The following AUTS2 variants were observed in gnomAD, a reference collection of about 807,000 sequenced individuals.
AUTS2 encodes autism susceptibility gene 2 protein.
AUTS2 carries 17 observed loss-of-function variants against 112.4 expected under a neutral mutation model. The ratio of observed to expected loss-of-function variants is 0.15; its 90% CI spans 0.10 to 0.23. The LOEUF (loss-of-function observed/expected upper bound fraction) is 0.23, where lower values mean the gene tolerates loss of function less well. Ranked by LOEUF, AUTS2 falls within the 10% of genes least tolerant of loss-of-function variation. The pLI is 1.00. For missense variants in AUTS2, 1,510 were observed against 1,701.6 expected, an observed-to-expected ratio of 0.89 and a Z score of 1.98; for synonymous variants, 751 against 702.7, an observed-to-expected ratio of 1.07 and a Z score of -1.09.
rs530494747 is a variant in AUTS2, at chr7:70,677,812, G to A, written c.691-20757G>A. ...ATTTTAGTAGGTTCTGGCCAGGCGCGGTGGCTGACGCCTATAATCCCAGCA... is the reference window on the plus strand; with the variant it reads ...ATTTTAGTAGGTTCTGGCCAGGCGCAGTGGCTGACGCCTATAATCCCAGCA... On this transcript the variant is annotated intron_variant, in intron 5 of 18. Coordinates refer to ENST00000342771, the MANE Select transcript of AUTS2 (RefSeq NM_015570.4). Among the ~76,000 whole-genome samples the A allele has an allele frequency of 2.0e-4, 31 of 152,170 alleles. 1 individual carries two copies. In the South Asian group the frequency reaches 4.4e-3, roughly 21 times the overall value.
chr7:70,525,673 A>G (rs148635769), intron 5 of AUTS2, among the ~76,000 whole-genome samples: 46 of 152,342 alleles, frequency 3.0e-4, no homozygotes, highest in Non-Finnish European at 5.4e-4. Context: ...CCTGGTAAAT[A>G]TCATTGAGAT....
chr7:70,767,142 G>GATTTTAATATTTA (rs1789996337), intron 9 of AUTS2, among the ~76,000 whole-genome samples: 1 of 152,038 alleles, frequency 6.6e-6, no homozygotes, highest in African/African-American at 2.4e-5. Flanking sequence ...AATATTTCAG[G>GATTTTAATATTTA]AAATACTGGA....
intron 5 of AUTS2, among the ~76,000 whole-genome samples, chr7:70,566,154 C>G (rs546168324): frequency 2.0e-5 from 3 of 152,354 alleles, no homozygotes; most frequent in African/African-American, 4.8e-5. Flanking sequence ...CACTTTCACT[C>G]TAATTCAGCC....
intron 6 of AUTS2, among the ~76,000 whole-genome samples, chr7:70,734,751 A>C (rs774694658): frequency 1.3e-5 from 2 of 152,186 alleles, no homozygotes; most frequent in Non-Finnish European, 2.9e-5. Context: ...ATCTGCCCTA[A>C]GTCATTTTAT....
chr7:70,628,701 G>A (rs1391558911), intron 5 of AUTS2, among the ~76,000 whole-genome samples: 3 of 152,110 alleles, frequency 2.0e-5, no homozygotes, highest in African/African-American at 7.2e-5. Flanking sequence ...TGAGACTGGA[G>A]CAGGGAGACC....
chr7:70,359,060 T>A (rs953115966), intron 4 of AUTS2, among the ~76,000 whole-genome samples: 2 of 152,226 alleles, frequency 1.3e-5, no homozygotes, highest in African/African-American at 4.8e-5. Flanking sequence ...AGCATACTGC[T>A]AACCAGACAC....
chr7:70,461,536 C>A (rs550244134), intron 5 of AUTS2, among the ~76,000 whole-genome samples: 1 of 152,308 alleles, frequency 6.6e-6, no homozygotes, highest in East Asian at 1.9e-4. Context: ...AAGCTGCATT[C>A]TCTCTGAGAC....
chr7:70,254,123 T>C (rs1446274745), intron 4 of AUTS2, among the ~76,000 whole-genome samples: 1 of 152,208 alleles, frequency 6.6e-6, no homozygotes, highest in Non-Finnish European at 1.5e-5. Context: ...TCATTCTGTT[T>C]AGTTTTTAAA....
chr7:70,086,124 A>C (rs1400462620), intron 2 of AUTS2, among the ~76,000 whole-genome samples: 1 of 152,148 alleles, frequency 6.6e-6, no homozygotes, highest in Non-Finnish European at 1.5e-5. Context: ...TTCCTTTTCA[A>C]AGTTGTTTTG....
chr7:70,725,135 G>A (rs900433680), intron 6 of AUTS2, among the ~76,000 whole-genome samples: 14 of 152,286 alleles, frequency 9.2e-5, no homozygotes, highest in Admixed American at 9.2e-4. Flanking sequence ...AGAGCAAGGA[G>A]GTTGGGCCTT....
At chr7:70,634,897 G>C (rs78517100) in intron 5 of AUTS2, among the ~76,000 whole-genome samples, 11,636 of 152,226 alleles carry the variant, frequency 0.076, 597 homozygotes, top group East Asian at 0.21. Flanking sequence ...TCTCTGAGCA[G>C]CTTAGTGTTG....
chr7:70,555,874 G>A (rs189804079), intron 5 of AUTS2, among the ~76,000 whole-genome samples: 3 of 150,656 alleles, frequency 2.0e-5, no homozygotes, highest in African/African-American at 4.9e-5. Context: ...GTGCGATCTC[G>A]GCTCACTGCA....
At chr7:69,634,066 T>C (rs918395715) in intron 1 of AUTS2, among the ~76,000 whole-genome samples, 4 of 152,156 alleles carry the variant, frequency 2.6e-5, no homozygotes, top group Non-Finnish European at 4.4e-5. Flanking sequence ...AGGAGTTTTA[T>C]TGTTTCTCGT....
chr7:70,581,847 A>AT (rs1443813619), intron 5 of AUTS2, among the ~76,000 whole-genome samples: 104 of 152,238 alleles, frequency 6.8e-4, no homozygotes, highest in Admixed American at 5.3e-3. Flanking sequence ...ATTCCTTTAC[A>AT]TTTTGTATTG....
chr7:70,178,727 T>C (rs909970664), intron 4 of AUTS2, among the ~76,000 whole-genome samples: 1 of 151,674 alleles, frequency 6.6e-6, no homozygotes, highest in African/African-American at 2.4e-5. Context: ...TTGAACCCAG[T>C]AGATGGAGGT....
intron 14 of AUTS2, among the ~76,000 whole-genome samples, chr7:70,778,194 C>T (rs1322664341): frequency 6.6e-6 from 1 of 152,162 alleles, no homozygotes; most frequent in African/African-American, 2.4e-5. Context: ...AGCATCAGCG[C>T]TTGGCTTAGG....
chr7:70,037,040 A>G (rs912754498), intron 2 of AUTS2, among the ~76,000 whole-genome samples: 4 of 152,246 alleles, frequency 2.6e-5, no homozygotes, highest in African/African-American at 4.8e-5. Flanking sequence ...TATACAATCT[A>G]TAATGGAATA....
chr7:69,603,479 T>C (rs1449396569), intron 1 of AUTS2, among the ~76,000 whole-genome samples: 4 of 152,234 alleles, frequency 2.6e-5, no homozygotes, highest in Non-Finnish European at 4.4e-5. Context: ...GGATTCTTTT[T>C]TGAGATGATG....
At chr7:70,328,816 T>G (rs1790612820) in intron 4 of AUTS2, among the ~76,000 whole-genome samples, 1 of 152,198 alleles carries the variant, frequency 6.6e-6, no homozygotes, top group South Asian at 2.1e-4. Flanking sequence ...AATTAACAAT[T>G]TTAAAGTGAA....
Sources: gnomAD v4.1 joint callset for allele counts (sites outside exome capture counted in the v4.1 genomes callset) on GRCh38, gnomAD v4.1.1 for gene constraint, MANE v1.5 for transcripts, NCBI Gene and HGNC (gene_info 2026-07-23, HGNC 2026-07-21) for gene names.